The following HECW1 variants were observed in gnomAD, a reference collection of about 807,000 sequenced individuals.
HECW1 encodes the protein E3 ubiquitin-protein ligase HECW1.
HECW1 carries 61 observed loss-of-function variants against 182.3 expected under a neutral mutation model. That is an observed-to-expected ratio of 0.33 (90% CI 0.27 to 0.41). The LOEUF is 0.41. HECW1 is among the 10% of genes least tolerant of loss of function. The pLI is 1.00. For missense variants in HECW1, 1,739 were observed against 2,108.9 expected, an observed-to-expected ratio of 0.82 and a Z score of 3.44; for synonymous variants, 859 against 832.6, an observed-to-expected ratio of 1.03 and a Z score of -0.55.
chr7:43,166,285 G>T (rs899049218), intron 2 of HECW1, among the ~76,000 whole-genome samples: 1 of 152,192 alleles, frequency 6.6e-6, no homozygotes, highest in Non-Finnish European at 1.5e-5. Context: ...GTTTTGCTAT[G>T]TTGGCCAGGT....
intron 24 of HECW1, among the ~76,000 whole-genome samples, chr7:43,533,578 G>C (rs2081070265): frequency 6.6e-6 from 1 of 152,160 alleles, no homozygotes; most frequent in African/African-American, 2.4e-5. Context: ...TGCCAGTACA[G>C]TGCTTGTTTC....
chr7:43,405,723 A>G (rs2075587107), intron 7 of HECW1, among the ~76,000 whole-genome samples: 1 of 152,192 alleles, frequency 6.6e-6, no homozygotes, highest in Admixed American at 6.5e-5. Flanking sequence ...AGGCACAGTG[A>G]GCCACTCGTA....
intron 5 of HECW1, among the ~76,000 whole-genome samples, chr7:43,332,980 AACCAAGAC>A (rs1199424547): frequency 1.3e-5 from 2 of 152,182 alleles, no homozygotes; most frequent in African/African-American, 4.8e-5. Context: ...CTGGGATGGG[AACCAAGAC>A]AGCCTGCCTT....
At chr7:43,291,342 T>C (rs1337599689) in intron 3 of HECW1, among the ~76,000 whole-genome samples, 1 of 152,200 alleles carries the variant, frequency 6.6e-6, no homozygotes, top group Non-Finnish European at 1.5e-5. Flanking sequence ...CTGAATTTGA[T>C]TGGCTAACAG....
At chr7:43,270,438 G>A (rs1802271859) in intron 3 of HECW1, among the ~76,000 whole-genome samples, 1 of 152,168 alleles carries the variant, frequency 6.6e-6, no homozygotes, top group Non-Finnish European at 1.5e-5. Context: ...CATCCTCAAA[G>A]CATGGCAGCT....
At chr7:43,508,918 C>G (rs1426878563) in intron 23 of HECW1, 51 bp from the exon 24 acceptor site, 1 of 1,596,782 alleles carries the variant, frequency 6.3e-7, no homozygotes, top group Admixed American at 1.7e-5. Context: ...AAACAGGTCC[C>G]CCCACCTCCG....
At chr7:43,275,707 C>T (rs1330185478) in intron 3 of HECW1, among the ~76,000 whole-genome samples, 15 of 149,396 alleles carry the variant, frequency 1.0e-4, no homozygotes, top group South Asian at 4.2e-4. Context: ...CTTATGCGCA[C>T]GCACACACAC....
At chr7:43,200,618 T>G (rs948171627) in intron 2 of HECW1, among the ~76,000 whole-genome samples, 1 of 152,282 alleles carries the variant, frequency 6.6e-6, no homozygotes, top group East Asian at 1.9e-4. Context: ...AGCTTTGCCA[T>G]GTTCTCTTGT....
chr7:43,430,970 G>A (rs2076531174), intron 8 of HECW1, among the ~76,000 whole-genome samples: 1 of 151,680 alleles, frequency 6.6e-6, no homozygotes, highest in South Asian at 2.1e-4. Context: ...TTAGTAGAGA[G>A]GGGGTTTTCC....
rs2076588810 is a variant in HECW1, at chr7:43,432,565, G to T, written c.802-5438G>T. Among the ~76,000 whole-genome samples, 1 of 152,164 alleles carries T rather than the reference G, an allele frequency of 6.6e-6. No homozygotes were observed. Among genetic ancestry groups the T allele is most frequent in the African/African-American group, 2.4e-5 (1 of 41,440 alleles). ...TCTTCTGCTTTGTCATTTTCTGCCT[G>T]CAGTGTAAGACTCTGAGGTCTAAAG... On this transcript the variant is annotated intron_variant, in intron 8 of 29. Transcript: ENST00000395891. This position sits in a 1 kb window ranked among gnomAD's most constrained non-coding sequence, Gnocchi z 4.1.
At chr7:43,170,612 A>T (rs12112386) in intron 2 of HECW1, among the ~76,000 whole-genome samples, 98,108 of 152,068 alleles carry the variant, frequency 0.65, 32,447 homozygotes, top group African/African-American at 0.77. Flanking sequence ...TGGAAAATAG[A>T]GGTAGCAGGG....
At chr7:43,309,894 C>A (rs973998918) in intron 3 of HECW1, among the ~76,000 whole-genome samples, 3 of 152,180 alleles carry the variant, frequency 2.0e-5, no homozygotes, top group Non-Finnish European at 4.4e-5. Flanking sequence ...CCAGTAATAT[C>A]TTAGCAAGAG....
intron 2 of HECW1, among the ~76,000 whole-genome samples, chr7:43,195,652 C>T (rs1794391117): frequency 6.6e-6 from 1 of 152,110 alleles, no homozygotes; most frequent in African/African-American, 2.4e-5. Context: ...CTTTTGACAC[C>T]ATTGTGAGAA....
At chr7:43,416,026 G>A (rs1409790809) in intron 8 of HECW1, among the ~76,000 whole-genome samples, 5 of 151,144 alleles carry the variant, frequency 3.3e-5, no homozygotes, top group South Asian at 2.1e-4. Flanking sequence ...TCTTCTCTCA[G>A]CTCGTCAAAG....
At chr7:43,543,549 T>A (rs757960640) in intron 26 of HECW1, among the ~76,000 whole-genome samples, 13 of 152,016 alleles carry the variant, frequency 8.6e-5, no homozygotes, top group Non-Finnish European at 1.9e-4. Context: ...AAGGCTGAGG[T>A]GGGCAGATCA....
intron 3 of HECW1, among the ~76,000 whole-genome samples, chr7:43,286,509 A>T (rs1344848920): frequency 6.6e-6 from 1 of 152,212 alleles, no homozygotes; most frequent in Non-Finnish European, 1.5e-5. Flanking sequence ...TGCCAGTTTC[A>T]TTATAGTAAA....
At chr7:43,179,834 A>G (rs1393139158) in intron 2 of HECW1, among the ~76,000 whole-genome samples, 1 of 152,202 alleles carries the variant, frequency 6.6e-6, no homozygotes, top group East Asian at 1.9e-4. Flanking sequence ...TTTTGAAAAC[A>G]TGATTGAGAT....
intron 3 of HECW1, among the ~76,000 whole-genome samples, chr7:43,299,134 A>G (rs1293957584): frequency 6.6e-6 from 1 of 152,234 alleles, no homozygotes; most frequent in African/African-American, 2.4e-5. Context: ...TTACAAGTGA[A>G]AAATGTCTTA....
chr7:43,152,191 C>A (rs745994067), intron 2 of HECW1, among the ~76,000 whole-genome samples: 1 of 64,820 alleles, frequency 1.5e-5, no homozygotes, highest in East Asian at 7.7e-4. Flanking sequence ...TCTGTTAATG[C>A]ATAATTTCTG....
Sources: allele counts gnomAD v4.1 joint callset (sites outside exome capture counted in the v4.1 genomes callset), GRCh38; gene constraint gnomAD v4.1.1; non-coding constraint Gnocchi (gnomAD v3.1); transcripts MANE v1.5; gene names NCBI Gene and HGNC (gene_info 2026-07-23, HGNC 2026-07-21).